Variants in SLC35F4 observed in about 807,000 individuals in gnomAD.
The protein encoded by SLC35F4 is chromosome 14 open reading frame 36.
SLC35F4 carries 24 observed loss-of-function variants against 44.2 expected under a neutral mutation model. That is an observed-to-expected ratio of 0.54 (90% CI 0.39 to 0.76). The LOEUF (loss-of-function observed/expected upper bound fraction) is 0.76. Ranked by LOEUF, SLC35F4 falls within the 30% of genes least tolerant of loss-of-function variation. The pLI is 0.00. For missense variants in SLC35F4, 562 were observed against 586.1 expected, an observed-to-expected ratio of 0.96 and a Z score of 0.42; for synonymous variants, 238 against 223.6, an observed-to-expected ratio of 1.06 and a Z score of -0.57.
chr14:57,934,258 AACTAGGTTGTGGG>A (rs1240660439), intron 1 of SLC35F4, among the ~76,000 whole-genome samples: 1 of 150,998 alleles, frequency 6.6e-6, no homozygotes, highest in Non-Finnish European at 1.5e-5. Context: ...GTCCCCCATT[AACTAGGTTGTGGG>A]GAGTGGGATG....
chr14:57,682,697 T>G (rs1163574235), intron 1 of SLC35F4, among the ~76,000 whole-genome samples: 1 of 151,902 alleles, frequency 6.6e-6, no homozygotes, highest in Non-Finnish European at 1.5e-5. Flanking sequence ...AAATTTTAAA[T>G]TATAATACCC....
intron 6 of SLC35F4, among the ~76,000 whole-genome samples, chr14:57,568,719 C>T (rs1021794120): frequency 6.6e-6 from 1 of 152,182 alleles, no homozygotes; most frequent in Non-Finnish European, 1.5e-5. Flanking sequence ...AATTGCAGTG[C>T]TGCTACTATT....
chr14:57,604,971 C>A (rs886379081), intron 1 of SLC35F4, among the ~76,000 whole-genome samples: 4 of 152,098 alleles, frequency 2.6e-5, no homozygotes, highest in Non-Finnish European at 5.9e-5. Flanking sequence ...ATGGATCAAA[C>A]AGTTAAATAT....
At chr14:57,720,979 CATATATATATAT>C (rs3062932) in intron 1 of SLC35F4, among the ~76,000 whole-genome samples, 21 of 49,804 alleles carry the variant, frequency 4.2e-4, no homozygotes, top group East Asian at 9.4e-4. Flanking sequence ...ATAAACTCCT[CATATATATATAT>C]ATATATATAT....
At chr14:57,702,318 A>T (rs1434613254) in intron 1 of SLC35F4, among the ~76,000 whole-genome samples, 1 of 139,198 alleles carries the variant, frequency 7.2e-6, no homozygotes, top group African/African-American at 2.8e-5. Flanking sequence ...GCCCAAATAA[A>T]TATCATTTTC....
chr14:57,980,686 G>T (rs1881353732), intron 1 of SLC35F4, among the ~76,000 whole-genome samples: 1 of 152,126 alleles, frequency 6.6e-6, no homozygotes, highest in South Asian at 2.1e-4. Context: ...TTTAGGCAAA[G>T]AAAGCTGTAT....
At chr14:57,656,124 C>T (rs1408816018) in intron 1 of SLC35F4, among the ~76,000 whole-genome samples, 1 of 152,060 alleles carries the variant, frequency 6.6e-6, no homozygotes, top group African/African-American at 2.4e-5. Context: ...TCCATCTCTT[C>T]CCTACCTGCC....
intron 1 of SLC35F4, among the ~76,000 whole-genome samples, chr14:57,682,447 G>C (rs2074935999): frequency 6.6e-6 from 1 of 152,066 alleles, no homozygotes; most frequent in African/African-American, 2.4e-5. Context: ...TGAACAATGA[G>C]AATATATGGA....
chr14:57,621,115 G>A (rs1409930430), intron 1 of SLC35F4, among the ~76,000 whole-genome samples: 10 of 151,892 alleles, frequency 6.6e-5, no homozygotes, highest in African/African-American at 1.7e-4. Context: ...TACAAGGGAT[G>A]TGAAGGACCT....
intron 1 of SLC35F4, among the ~76,000 whole-genome samples, chr14:57,807,928 A>C (rs1040116528): frequency 1.3e-5 from 2 of 151,758 alleles, no homozygotes; most frequent in Non-Finnish European, 2.9e-5. Context: ...GAGCAAAGGC[A>C]TGTTTTACAT....
chr14:57,790,073 G>C (rs975939873), intron 1 of SLC35F4, among the ~76,000 whole-genome samples: 10 of 152,174 alleles, frequency 6.6e-5, no homozygotes, highest in Admixed American at 1.3e-4. Flanking sequence ...GATTCCCTTT[G>C]AAAAGTGGCA....
At chr14:57,715,234 C>T (rs1158135674) in intron 1 of SLC35F4, among the ~76,000 whole-genome samples, 5 of 151,912 alleles carry the variant, frequency 3.3e-5, no homozygotes, top group Non-Finnish European at 4.4e-5. Context: ...CAGAAGAATG[C>T]AAGAGGAAGA....
At chr14:57,671,337 T>G (rs757907366) in intron 1 of SLC35F4, among the ~76,000 whole-genome samples, 17 of 151,928 alleles carry the variant, frequency 1.1e-4, no homozygotes, top group Non-Finnish European at 2.1e-4. Context: ...AAGAGACCTC[T>G]TCCTTTCCAC....
At chr14:57,744,147 T>C (rs2076695024) in intron 1 of SLC35F4, among the ~76,000 whole-genome samples, 1 of 152,180 alleles carries the variant, frequency 6.6e-6, no homozygotes, top group Non-Finnish European at 1.5e-5. Flanking sequence ...ACTGGAAGCA[T>C]TCCCTTTGAA....
In SLC35F4 at chr14:57,725,458, T is replaced by C. The variant is rs1317019806; in HGVS notation, c.104-131334A>G. On this transcript the variant is annotated intron_variant, in intron 1 of 7. Coordinates refer to ENST00000556826, the MANE Select transcript of SLC35F4 (RefSeq NM_001306087.2). ...TGTCCTCAATGGAATAAACACTTAC[T>C]CCAGATACGGGTTTGCCTATCCTGC... is the stretch of plus-strand genomic sequence containing the variant. Among the ~76,000 whole-genome samples the C allele has an allele frequency of 3.9e-5, 6 of 152,184 alleles. No individual in the cohort carries two copies. In the South Asian group the frequency reaches 1.2e-3, roughly 32 times the overall value.
intron 1 of SLC35F4, among the ~76,000 whole-genome samples, chr14:57,960,473 A>G (rs183055441): frequency 2.0e-5 from 3 of 152,142 alleles, no homozygotes; most frequent in Admixed American, 1.3e-4. Context: ...TTCTTTTCCT[A>G]TTATTCTGCT....
At chr14:57,813,912 C>T (rs1346925112) in intron 1 of SLC35F4, among the ~76,000 whole-genome samples, 3 of 152,180 alleles carry the variant, frequency 2.0e-5, no homozygotes, top group Non-Finnish European at 4.4e-5. Flanking sequence ...GGGGTTGTAT[C>T]ACTGTCCAAT....
chr14:57,855,976 G>C (rs1887042367), intron 1 of SLC35F4, among the ~76,000 whole-genome samples: 1 of 151,512 alleles, frequency 6.6e-6, no homozygotes, highest in South Asian at 2.1e-4. Flanking sequence ...ACTCATAAGT[G>C]AGAGTTGAAC....
At chr14:57,948,512 T>C (rs34076757) in intron 1 of SLC35F4, among the ~76,000 whole-genome samples, 1 of 152,124 alleles carries the variant, frequency 6.6e-6, no homozygotes, top group Admixed American at 6.5e-5. Flanking sequence ...TTTTGTATTG[T>C]ATTTTTTGTT....
Sources: allele counts gnomAD v4.1 joint callset (sites outside exome capture counted in the v4.1 genomes callset), GRCh38; gene constraint gnomAD v4.1.1; transcripts MANE v1.5; gene names NCBI Gene and HGNC (gene_info 2026-07-23, HGNC 2026-07-21).